SFMBT2: variants seen among roughly 807,000 people sequenced by gnomAD.
The protein encoded by SFMBT2 is scm-like with four MBT domains protein 2.
A neutral mutation model predicts 110.1 loss-of-function variants in SFMBT2; 38 were observed. The observed-to-expected ratio is 0.35, with a 90% CI of 0.27 to 0.45. The LOEUF is 0.45. SFMBT2 is among the 20% of genes least tolerant of loss of function. The probability of loss-of-function intolerance (pLI) is 1.00; values close to 1 mark genes in which losing one functional copy is unlikely to be tolerated. For synonymous variants in SFMBT2, 425 were observed against 425.4 expected (o/e 1.00, Z 0.01); for missense variants, 1,011 against 1,094.9 (o/e 0.92, Z 1.08).
At chr10:7,191,257 G>A (rs1435013668) in intron 15 of SFMBT2, among the ~76,000 whole-genome samples, 2 of 152,138 alleles carry the variant, frequency 1.3e-5, no homozygotes, top group Non-Finnish European at 2.9e-5. Context: ...AGTCCTCTCT[G>A]GAACCCAATC....
intron 10 of SFMBT2, among the ~76,000 whole-genome samples, chr10:7,225,937 G>T (rs759597196): frequency 3.3e-5 from 5 of 152,132 alleles, no homozygotes; most frequent in African/African-American, 7.2e-5. Flanking sequence ...ACATCAATAC[G>T]GTGAGAAGTC....
intron 11 of SFMBT2, 195 bp from the exon 12 acceptor site, chr10:7,206,123 C>T (rs1052763152): frequency 1.0e-6 from 1 of 985,170 alleles, no homozygotes; most frequent in Non-Finnish European, 1.2e-6. Context: ...AGACAAAACT[C>T]CTTGAAATAT....
Position 7,171,963 on chromosome 10 carries a change from C to T in SFMBT2, c.2347G>A (p.Gly783Arg), listed in dbSNP as rs377047427. ...TCTGCTGAGGAGGCAGCCGGCGCCC[C>T]GCGGCCCCTTCGTGTCCTCTCTGGG... ...PPPERTRRGR[G>R]APAASSAEEG... Residue 783 changes from glycine (G) to arginine (R), a missense_variant, in exon 19 of 21, where the codon GGG becomes AGG. Physicochemically the swap from Gly to Arg is moderately radical, Grantham distance 125. This residue lies in a region of SFMBT2 where 979 missense variants were observed against 1,016.1 expected (regional missense o/e 0.96). Transcript: ENST00000397167. This position sits in a 1 kb window ranked among gnomAD's most constrained non-coding sequence, Gnocchi z 4.9. 1.9e-5 allele frequency: 29 copies of T among 1,494,992 alleles called. No individual in the cohort carries two copies. In the African/African-American group the frequency reaches 3.2e-4, roughly 17 times the overall value. 92.6% of individuals were successfully genotyped at this position (1,494,992 alleles called of 1,614,324 possible).
chr10:7,341,536 G>T (rs1843903913), intron 4 of SFMBT2, among the ~76,000 whole-genome samples: 1 of 152,166 alleles, frequency 6.6e-6, no homozygotes, highest in African/African-American at 2.4e-5. Context: ...GGAGATAGAA[G>T]AAGATACATT....
chr10:7,343,645 A>G (rs1257688473), intron 4 of SFMBT2, among the ~76,000 whole-genome samples: 2 of 152,180 alleles, frequency 1.3e-5, no homozygotes, highest in Non-Finnish European at 2.9e-5. Context: ...AATTAATGAT[A>G]TTGAGCATTT....
At chr10:7,364,294 A>G (rs1183112517) in intron 4 of SFMBT2, among the ~76,000 whole-genome samples, 1 of 152,240 alleles carries the variant, frequency 6.6e-6, no homozygotes. Context: ...AACAATTGAA[A>G]AGACTTTAAG....
At chr10:7,196,849 TCC>T (rs1838785557) in intron 15 of SFMBT2, among the ~76,000 whole-genome samples, 1 of 152,310 alleles carries the variant, frequency 6.6e-6, no homozygotes, top group South Asian at 2.1e-4. Context: ...CCAATCTGTC[TCC>T]AAGCACTGTC....
intron 11 of SFMBT2, among the ~76,000 whole-genome samples, chr10:7,209,276 C>T (rs145499048): frequency 6.6e-6 from 1 of 152,218 alleles, no homozygotes; most frequent in Non-Finnish European, 1.5e-5. Context: ...CCACTGAAGA[C>T]CTTTATCATT....
intron 7 of SFMBT2, among the ~76,000 whole-genome samples, chr10:7,267,268 C>T (rs1165802063): frequency 2.0e-5 from 3 of 152,178 alleles, no homozygotes; most frequent in African/African-American, 7.2e-5. Flanking sequence ...ATTGCTGATT[C>T]TGCTTTCTAT....
intron 15 of SFMBT2, among the ~76,000 whole-genome samples, chr10:7,192,647 C>T (rs1361951832): frequency 2.0e-5 from 3 of 152,192 alleles, no homozygotes; most frequent in Non-Finnish European, 4.4e-5. Context: ...GCATCAGCCA[C>T]AGGGGCAGAA....
intron 11 of SFMBT2, chr10:7,214,691 G>C (rs1437188857): frequency 4.1e-6 from 4 of 985,376 alleles, no homozygotes; most frequent in Non-Finnish European, 3.6e-6. Flanking sequence ...GTGGTACAAG[G>C]AGGCAATTCC....
At chr10:7,397,375 G>GTT (rs769905784) in intron 1 of SFMBT2, among the ~76,000 whole-genome samples, 2 of 142,022 alleles carry the variant, frequency 1.4e-5, no homozygotes. Context: ...TTGTTTTTTT[G>GTT]TTTTTTTTTT....
At chr10:7,257,422 C>A (rs1346381757) in intron 7 of SFMBT2, among the ~76,000 whole-genome samples, 1 of 152,112 alleles carries the variant, frequency 6.6e-6, no homozygotes, top group Non-Finnish European at 1.5e-5. Context: ...GAGGAGTGAA[C>A]CATCGCTGCG....
At chr10:7,180,661 G>A (rs1838217903) in intron 16 of SFMBT2, among the ~76,000 whole-genome samples, 1 of 152,166 alleles carries the variant, frequency 6.6e-6, no homozygotes, top group African/African-American at 2.4e-5. Flanking sequence ...CAAAGGCATT[G>A]GTCCCAAGGG....
chr10:7,298,934 G>C (rs1998947), intron 4 of SFMBT2, among the ~76,000 whole-genome samples: 57,710 of 152,008 alleles, frequency 0.38, 11,769 homozygotes, highest in East Asian at 0.74. Flanking sequence ...CTTTGGGCTG[G>C]TCATGGTGGC....
rs191496615 is a variant in SFMBT2, at chr10:7,342,576, T to C, written c.436+25073A>G. 5.4e-4 allele frequency among the ~76,000 whole-genome samples: 82 copies of C among 152,038 alleles called. 2 individuals carry two copies. The East Asian group carries it at 0.015, about 28-fold the overall frequency. On this transcript the variant is annotated intron_variant, in intron 4 of 20. Coordinates refer to ENST00000397167, the MANE Select transcript of SFMBT2 (RefSeq NM_001387889.1). Reference sequence around the variant, plus strand: ...GGCACCCGCCACCGCGCCCAGCTAATATTTTTGAATTTTTAATAGAGACAG... The same window carrying C: ...GGCACCCGCCACCGCGCCCAGCTAACATTTTTGAATTTTTAATAGAGACAG...
chr10:7,277,265 A>G (rs1841811244), intron 6 of SFMBT2: 1 of 155,058 alleles, frequency 6.4e-6, no homozygotes, highest in Admixed American at 6.5e-5. Context: ...TTCTGTAAGT[A>G]ATTTAATGGT....
chr10:7,227,334 C>T (rs1055387351), intron 10 of SFMBT2, among the ~76,000 whole-genome samples: 5 of 152,222 alleles, frequency 3.3e-5, no homozygotes, highest in South Asian at 2.1e-4. Flanking sequence ...TCCACCAAAA[C>T]GTGTCCTCTT....
intron 4 of SFMBT2, among the ~76,000 whole-genome samples, chr10:7,314,244 C>T (rs1330697876): frequency 1.3e-5 from 2 of 152,200 alleles, no homozygotes; most frequent in Non-Finnish European, 2.9e-5. Context: ...GATGACACAG[C>T]GCTAATCAAA....
Sources: allele counts gnomAD v4.1 joint callset (sites outside exome capture counted in the v4.1 genomes callset), GRCh38; gene constraint gnomAD v4.1.1; regional missense constraint gnomAD v4.1.1; non-coding constraint Gnocchi (gnomAD v3.1); transcripts MANE v1.5; gene names NCBI Gene and HGNC (gene_info 2026-07-23, HGNC 2026-07-21).